ARID2: variants seen among roughly 807,000 people sequenced by gnomAD.
ARID2 encodes the protein AT-rich interaction domain 2, also known as AT-rich interactive domain-containing protein 2.
A neutral mutation model predicts 184.6 loss-of-function variants in ARID2; 32 were observed. The observed-to-expected ratio is 0.17, with a 90% CI of 0.13 to 0.23. The LOEUF is 0.23. ARID2 is among the 10% of genes least tolerant of loss of function. The pLI is 1.00. For synonymous variants in ARID2, 836 were observed against 772.6 expected, an observed-to-expected ratio of 1.08 and a Z score of -1.36; for missense variants, 1,696 against 2,197.6, an observed-to-expected ratio of 0.77 and a Z score of 4.56.
rs565984097 is a variant in ARID2, at chr12:45,905,058, G to T, written c.5488G>T (p.Asp1830Tyr). 2.7e-5 allele frequency: 43 copies of T among 1,613,566 alleles called. 1 individual carries two copies. In the South Asian group the frequency reaches 4.4e-4, roughly 16 times the overall value. The change falls in exon 21 of 21, where the codon GAC becomes TAC. Residue 1830 changes from aspartate (D) to tyrosine (Y), a missense_variant. This residue lies in a region of ARID2 where 69 missense variants were observed against 118.2 expected (regional missense o/e 0.58). Coordinates refer to ENST00000334344, the MANE Select transcript of ARID2 (RefSeq NM_152641.4). ...FTVQSKEQEK[D>Y]SEMLQ ...AGTTCAGAGTAAGGAACAAGAAAAA[G>T]ACTCAGAAATGCTGCAGTGAAAAAT...
At chr12:45,904,382 C>T in intron 20 of ARID2, 1 of 715,614 alleles carries the variant, frequency 1.4e-6, no homozygotes, top group Non-Finnish European at 2.6e-6. Flanking sequence ...GCTGTGCAGC[C>T]TTCCATATTT....
At chr12:45,772,590 G>C (rs1941897984) in intron 3 of ARID2, among the ~76,000 whole-genome samples, 1 of 152,142 alleles carries the variant, frequency 6.6e-6, no homozygotes, top group African/African-American at 2.4e-5. Flanking sequence ...AAGAAAGCTG[G>C]AGTGGCTATA....
intron 3 of ARID2, among the ~76,000 whole-genome samples, chr12:45,805,300 T>C (rs1942579947): frequency 2.0e-5 from 3 of 152,080 alleles, no homozygotes. Context: ...TGATAACCTA[T>C]TTACCTTAAT....
At position 45,837,409 on chromosome 12, in the gene ARID2, A is replaced by G. The variant is rs2138130753; in HGVS notation, c.1112A>G (p.Lys371Arg). Residue 371 changes from lysine to arginine, a missense_variant, in exon 9 of 21, where the codon AAG (lysine) becomes AGG (arginine). Physicochemically the swap from Lys to Arg is conservative, Grantham distance 26. This residue lies in a region of ARID2 where 86 missense variants were observed against 200.8 expected (regional missense o/e 0.43). Coordinates refer to ENST00000334344, the MANE Select transcript of ARID2 (RefSeq NM_152641.4). ...CTAATGTCAAGGGATAGATTTTTAAAGATGAGAGGTGAGTTTTCACTGAAG... is the reference window on the plus strand; with the variant it reads ...CTAATGTCAAGGGATAGATTTTTAAGGATGAGAGGTGAGTTTTCACTGAAG... ...KCLMSRDRFL[K>R]MRGMEILGNL... The G allele has an allele frequency of 6.2e-7, 1 of 1,611,424 alleles. No homozygotes were observed. The highest frequency in any genetic ancestry group is 8.5e-7 in the Non-Finnish European group (1 of 1,178,722).
Position 45,851,969 on chromosome 12 carries a change from T to C in ARID2, c.3846T>C (p.Asp1282=). The change falls in exon 15 of 21, where the codon GAT becomes GAC. Residue 1282 remains aspartate (D), a synonymous_variant. Coordinates refer to ENST00000334344, the MANE Select transcript of ARID2 (RefSeq NM_152641.4). ...GAGCCACAAACACCAGCAATGGGGA[T>C]ACAAAGGAAAATGAAATGCATGTGG... ...RRGATNTSNG[D]TKENEMHVGS... 1 of 1,613,850 alleles carries C rather than the reference T, an allele frequency of 6.2e-7. No homozygotes were observed. Among genetic ancestry groups the C allele is most frequent in the East Asian group, 2.2e-5 (1 of 44,860 alleles).
chr12:45,815,386 G>C (rs1052914386), intron 4 of ARID2, among the ~76,000 whole-genome samples: 10 of 152,078 alleles, frequency 6.6e-5, no homozygotes, highest in African/African-American at 1.4e-4. Flanking sequence ...TTATTGTCAA[G>C]CTTTAAATAT....
rs1484387669 is a variant in ARID2, at chr12:45,852,835, A to T, written c.4712A>T (p.Glu1571Val). 1.2e-6 allele frequency: 2 copies of T among 1,613,418 alleles called. No individual in the cohort carries two copies. Among genetic ancestry groups the T allele is most frequent in the Admixed American group, 3.3e-5 (2 of 59,972 alleles). Residue 1571 changes from glutamate to valine, a missense_variant, in exon 15 of 21, where the codon GAA (glutamate) becomes GTA (valine). Transcript: ENST00000334344. ...DPSTVAKVAI[E>V]SAVQQKQQHP... ...AGCACTGTAGCTAAAGTAGCAATAG[A>T]AAGTGCTGTTCAGCAAAAGCAACAG...
chr12:45,799,891 C>T (rs965599436), intron 3 of ARID2, among the ~76,000 whole-genome samples: 1 of 152,020 alleles, frequency 6.6e-6, no homozygotes, highest in Non-Finnish European at 1.5e-5. Flanking sequence ...AGTTTGTTGC[C>T]CAGCCTGGAG....
intron 3 of ARID2, among the ~76,000 whole-genome samples, chr12:45,734,708 G>A (rs1477964118): frequency 1.3e-5 from 2 of 152,082 alleles, no homozygotes; most frequent in Non-Finnish European, 2.9e-5. Flanking sequence ...TGCCTAATGT[G>A]TTCCATATTT....
At chr12:45,768,814 A>G (rs966871509) in intron 3 of ARID2, among the ~76,000 whole-genome samples, 1 of 152,132 alleles carries the variant, frequency 6.6e-6, no homozygotes, top group African/African-American at 2.4e-5. Flanking sequence ...CTGTGAAGCA[A>G]TTTATGCTTC....
intron 3 of ARID2, among the ~76,000 whole-genome samples, chr12:45,800,600 A>G (rs1487837257): frequency 1.3e-5 from 2 of 152,174 alleles, no homozygotes; most frequent in African/African-American, 4.8e-5. Context: ...TTAAGCATTG[A>G]GCACACCTAG....
At chr12:45,886,286 C>A (rs989955447) in intron 16 of ARID2, among the ~76,000 whole-genome samples, 2 of 152,242 alleles carry the variant, frequency 1.3e-5, no homozygotes, top group Admixed American at 6.5e-5. Flanking sequence ...TCTCCTTTGA[C>A]TCCATGTTTC....
At chr12:45,803,931 A>G (rs185797176) in intron 3 of ARID2, among the ~76,000 whole-genome samples, 4 of 152,318 alleles carry the variant, frequency 2.6e-5, no homozygotes, top group Admixed American at 2.6e-4. Context: ...AAAGCTAACA[A>G]ATGAGTGACG....
intron 6 of ARID2, among the ~76,000 whole-genome samples, chr12:45,822,490 T>C (rs1942916537): frequency 1.3e-5 from 2 of 152,172 alleles, no homozygotes; most frequent in Admixed American, 6.5e-5. Flanking sequence ...CAGTGAGCTA[T>C]AATTGTGCCA....
At chr12:45,884,518 C>T (rs151174783) in intron 16 of ARID2, among the ~76,000 whole-genome samples, 168 of 152,330 alleles carry the variant, frequency 1.1e-3, no homozygotes, top group African/African-American at 3.6e-3. Context: ...TTGGCAGGTA[C>T]ACATTTTAAA....
At chr12:45,871,111 T>G (rs1943919712) in intron 16 of ARID2, among the ~76,000 whole-genome samples, 1 of 152,252 alleles carries the variant, frequency 6.6e-6, no homozygotes, top group Non-Finnish European at 1.5e-5. Context: ...CTTCATATCC[T>G]TGCCAACATT....
intron 3 of ARID2, among the ~76,000 whole-genome samples, chr12:45,732,412 T>C (rs1941021329): frequency 6.6e-6 from 1 of 152,230 alleles, no homozygotes; most frequent in Non-Finnish European, 1.5e-5. Flanking sequence ...GGCTTGAAGC[T>C]GGAGTTCGCA....
intron 3 of ARID2, among the ~76,000 whole-genome samples, chr12:45,762,568 G>A (rs1238681780): frequency 6.6e-6 from 1 of 152,194 alleles, no homozygotes; most frequent in Non-Finnish European, 1.5e-5. Flanking sequence ...TGGCTTTCAT[G>A]TGCTCTGTGC....
intron 16 of ARID2, among the ~76,000 whole-genome samples, chr12:45,889,580 GTATT>G (rs1246241381): frequency 6.6e-6 from 1 of 152,172 alleles, no homozygotes; most frequent in Non-Finnish European, 1.5e-5. Flanking sequence ...TGAAAACTCA[GTATT>G]TATTTGCTTT....
Sources: allele counts gnomAD v4.1 joint callset (sites outside exome capture counted in the v4.1 genomes callset), GRCh38; gene constraint gnomAD v4.1.1; regional missense constraint gnomAD v4.1.1; transcripts MANE v1.5; gene names NCBI Gene and HGNC (gene_info 2026-07-23, HGNC 2026-07-21).